Variants in GLI3 observed in about 807,000 individuals in gnomAD.
GLI3 encodes the protein transcription activator GLI3.
In GLI3, 20 loss-of-function variants were observed where a neutral mutation model predicts 100.8. The ratio of observed to expected loss-of-function variants is 0.20; its 90% CI spans 0.14 to 0.29. The LOEUF is 0.29. Ranked by LOEUF, GLI3 falls within the 10% of genes least tolerant of loss-of-function variation. The pLI, the probability that GLI3 is intolerant of heterozygous loss-of-function variation, is 1.00. For synonymous variants in GLI3, 938 were observed against 860.5 expected, an observed-to-expected ratio of 1.09 and a Z score of -1.58; for missense variants, 2,040 against 2,128.5, an observed-to-expected ratio of 0.96 and a Z score of 0.82.
Position 41,965,416 on chromosome 7 carries a change from G to A in GLI3, c.3657C>T (p.Asn1219=). 1 of 1,608,664 alleles carries A rather than the reference G, an allele frequency of 6.2e-7. No individual in the cohort carries two copies. The highest frequency in any genetic ancestry group is 1.3e-5 in the African/African-American group (1 of 74,966). The change falls in exon 15 of 15, where the codon AAC becomes AAT. Residue 1219 remains asparagine (N), a synonymous_variant. Coordinates refer to ENST00000395925, the MANE Select transcript of GLI3 (RefSeq NM_000168.6). The stretch of plus-strand genomic sequence containing the variant: ...GCTCTGGGCCACCGTAGGGGTTGCT[G>A]TTCTCCCCGAGGGTCTGATAGCCCC... ...PAGGYQTLGE[N]SNPYGGPEHL...
intron 7 of GLI3, among the ~76,000 whole-genome samples, chr7:42,034,647 T>C (rs1031724513): frequency 6.6e-6 from 1 of 152,074 alleles, no homozygotes; most frequent in Non-Finnish European, 1.5e-5. Flanking sequence ...GCCTCCTTCT[T>C]AGAAACTTGT....
At chr7:42,065,905 G>C (rs1173158548) in intron 4 of GLI3, among the ~76,000 whole-genome samples, 2 of 152,112 alleles carry the variant, frequency 1.3e-5, no homozygotes, top group Non-Finnish European at 2.9e-5. Context: ...TATTAAACTA[G>C]AATGAAGCAC....
Position 42,028,477 on chromosome 7 carries a change from T to C in GLI3, c.1029-2065A>G, listed in dbSNP as rs34536269. Among the ~76,000 whole-genome samples, 714 of 152,130 alleles carry C rather than the reference T, an allele frequency of 4.7e-3. 3 individuals are homozygous for C. Among genetic ancestry groups the C allele is most frequent in the Non-Finnish European group, 7.7e-3 (524 of 67,954 alleles). ...AGGGAAGTGCATTTTAAAAAAGATG[T>C]AGGAGGCCGGGCGCGGTGGCTCACG... On this transcript the variant is annotated intron_variant, in intron 7 of 14. Transcript: ENST00000395925.
rs531043359 is a variant in GLI3, at chr7:42,055,321, T to C, written c.474-6625A>G. 5.3e-5 allele frequency among the ~76,000 whole-genome samples: 8 copies of C among 152,136 alleles called. No homozygotes were observed. In the South Asian group the frequency reaches 1.7e-3, roughly 32 times the overall value. On this transcript the variant is annotated intron_variant, in intron 4 of 14. Transcript: ENST00000395925. ...GAGAGGTGCAGATGGTTATGGTGGT[T>C]ACTTTCCATCTGCTCTTCCTCCTCC...
chr7:42,230,279 G>A (rs1329638303), intron 1 of GLI3, among the ~76,000 whole-genome samples: 1 of 152,102 alleles, frequency 6.6e-6, no homozygotes, highest in East Asian at 1.9e-4. Flanking sequence ...TTGCCATTTG[G>A]TAGCTCAGGG....
Position 42,132,386 on chromosome 7 carries a change from C to T in GLI3, c.367+15840G>A, listed in dbSNP as rs929302907. Among the ~76,000 whole-genome samples the T allele has an allele frequency of 2.0e-5, 3 of 152,174 alleles. No homozygotes were observed. The East Asian group carries it at 5.8e-4, about 29-fold the overall frequency. On this transcript the variant is annotated intron_variant, in intron 3 of 14. Coordinates refer to ENST00000395925, the MANE Select transcript of GLI3 (RefSeq NM_000168.6). ...AAGTGCTGGGATTACAGGCGTGAGC[C>T]ACCGCGCCCGGCCGGCTTCATGATT... is the stretch of plus-strand genomic sequence containing the variant.
At chr7:42,007,961 G>A (rs1347265598) in intron 10 of GLI3, among the ~76,000 whole-genome samples, 2 of 152,300 alleles carry the variant, frequency 1.3e-5, no homozygotes, top group Non-Finnish European at 2.9e-5. Flanking sequence ...AAAACTGCTG[G>A]AGTGTTATAA....
rs780353272 is a variant in GLI3, at chr7:42,023,508, C to G, written c.1457G>C (p.Gly486Ala). ...VIYETNCHWE[G>A]CAREFDTQEQ... is the part of the protein sequence containing the mutation. ...TTGGGTGTCGAACTCCCTCGCGCAGCCTTCCCAGTGGCAGTTTGTCTCATA... is the reference window on the plus strand; with the variant it reads ...TTGGGTGTCGAACTCCCTCGCGCAGGCTTCCCAGTGGCAGTTTGTCTCATA... Residue 486 changes from glycine to alanine, a missense_variant, in exon 10 of 15, where the codon GGC (glycine) becomes GCC (alanine). By Grantham distance (60) the Gly-to-Ala change is moderately conservative. Coordinates refer to ENST00000395925, the MANE Select transcript of GLI3 (RefSeq NM_000168.6). 26 of 1,614,136 alleles carry G rather than the reference C, an allele frequency of 1.6e-5. No individual in the cohort carries two copies. The South Asian group carries it at 2.0e-4, about 12-fold the overall frequency.
chr7:42,239,192 C>A (rs547416677), upstream of GLI3, among the ~76,000 whole-genome samples: 1 of 152,344 alleles, frequency 6.6e-6, no homozygotes, highest in Admixed American at 6.5e-5. Flanking sequence ...ACCACTGACT[C>A]ATCGCAGAGA....
chr7:42,098,005 G>A (rs1785379251), intron 3 of GLI3, among the ~76,000 whole-genome samples: 1 of 152,150 alleles, frequency 6.6e-6, no homozygotes, highest in African/African-American at 2.4e-5. Flanking sequence ...TTGCGGATCA[G>A]ATTATGCTCA....
At chr7:42,120,425 G>C (rs962615289) in intron 3 of GLI3, among the ~76,000 whole-genome samples, 1 of 152,192 alleles carries the variant, frequency 6.6e-6, no homozygotes, top group Non-Finnish European at 1.5e-5. Context: ...TTCCACAGCA[G>C]AAAGACTAAC....
intron 2 of GLI3, among the ~76,000 whole-genome samples, chr7:42,187,592 C>T (rs1180744753): frequency 1.3e-5 from 2 of 152,136 alleles, no homozygotes; most frequent in Non-Finnish European, 2.9e-5. Context: ...AATTCATATC[C>T]ACCAAGGACC....
intron 10 of GLI3, among the ~76,000 whole-genome samples, chr7:41,983,194 C>G (rs1787722835): frequency 6.6e-6 from 1 of 152,178 alleles, no homozygotes; most frequent in African/African-American, 2.4e-5. Context: ...CCTTCTCGTA[C>G]TAACATCTGA....
chr7:42,263,166 C>T (rs774729834), intron 1 of GLI3, among the ~76,000 whole-genome samples: 12 of 152,160 alleles, frequency 7.9e-5, no homozygotes, highest in Admixed American at 1.3e-4. Context: ...GTCTCGTGTA[C>T]GCCTTCTGAG....
At chr7:42,004,174 G>T (rs754938051) in intron 10 of GLI3, among the ~76,000 whole-genome samples, 1 of 152,048 alleles carries the variant, frequency 6.6e-6, no homozygotes, top group Non-Finnish European at 1.5e-5. Context: ...AATAATAAAG[G>T]TTGAACCCCA....
At chr7:42,161,418 G>T (rs2128793792) in intron 2 of GLI3, among the ~76,000 whole-genome samples, 1 of 152,278 alleles carries the variant, frequency 6.6e-6, no homozygotes, top group Non-Finnish European at 1.5e-5. Context: ...ACATTTACTA[G>T]CTGGTCTTTT....
chr7:42,214,862 T>TAAAAAAAAAA (rs34437341), intron 2 of GLI3, among the ~76,000 whole-genome samples: 1 of 119,028 alleles, frequency 8.4e-6, no homozygotes, highest in Non-Finnish European at 1.7e-5. Flanking sequence ...CACTGGATGC[T>TAAAAAAAAAA]AAAAAAAAAA....
intron 9 of GLI3, among the ~76,000 whole-genome samples, chr7:42,024,799 A>G (rs1789059232): frequency 6.6e-6 from 1 of 152,196 alleles, no homozygotes. Context: ...CTGGTTCGCC[A>G]GGCTCTCCTA....
chr7:42,059,232 A>G (rs1241067153), intron 4 of GLI3, among the ~76,000 whole-genome samples: 1 of 152,070 alleles, frequency 6.6e-6, no homozygotes, highest in Non-Finnish European at 1.5e-5. Context: ...ATATTAAATT[A>G]TTATTTTAGC....
Sources: allele counts gnomAD v4.1 joint callset (sites outside exome capture counted in the v4.1 genomes callset), GRCh38; gene constraint gnomAD v4.1.1; transcripts MANE v1.5; gene names NCBI Gene and HGNC (gene_info 2026-07-23, HGNC 2026-07-21).